Variants in SCML4 observed in about 807,000 individuals in gnomAD.
SCML4 encodes the protein sex comb on midleg-like protein 4.
Under a neutral mutation model 41.1 loss-of-function variants are expected in SCML4, and 34 were observed. The observed-to-expected ratio is 0.83, with a 90% CI of 0.63 to 1.10. The LOEUF (loss-of-function observed/expected upper bound fraction) is 1.10. SCML4 is among the 50% of genes least tolerant of loss of function. The pLI, the probability that SCML4 is intolerant of heterozygous loss-of-function variation, is 0.00. For missense variants in SCML4, 522 were observed against 534.1 expected, an observed-to-expected ratio of 0.98 and a Z score of 0.22; for synonymous variants, 214 against 220.9, an observed-to-expected ratio of 0.97 and a Z score of 0.28.
intron 1 of SCML4, among the ~76,000 whole-genome samples, chr6:107,788,424 T>C (rs1446865405): frequency 6.6e-6 from 1 of 152,242 alleles, no homozygotes; most frequent in Non-Finnish European, 1.5e-5. Flanking sequence ...TGGGTAATTA[T>C]TTTCTTTTGT....
At chr6:107,790,350 G>A (rs940288191) in intron 1 of SCML4, among the ~76,000 whole-genome samples, 1 of 152,132 alleles carries the variant, frequency 6.6e-6, no homozygotes, top group African/African-American at 2.4e-5. Flanking sequence ...AGAAAGAAAG[G>A]GGGAGAGAGA....
intron 2 of SCML4, among the ~76,000 whole-genome samples, chr6:107,762,781 C>T (rs182072465): frequency 3.4e-4 from 52 of 151,586 alleles, no homozygotes; most frequent in African/African-American, 1.2e-3. Context: ...TGATCATGAA[C>T]TTGTGGCTTC....
intron 5 of SCML4, among the ~76,000 whole-genome samples, chr6:107,739,618 T>A (rs1777398098): frequency 6.6e-6 from 1 of 152,158 alleles, no homozygotes. Flanking sequence ...TCGGGAACAA[T>A]GTGGTCCTAT....
chr6:107,798,229 T>A (rs1410811322), intron 1 of SCML4, among the ~76,000 whole-genome samples: 2 of 151,980 alleles, frequency 1.3e-5, no homozygotes, highest in Admixed American at 6.5e-5. Flanking sequence ...TTTGATAGAA[T>A]TCATACAGAA....
intron 5 of SCML4, among the ~76,000 whole-genome samples, chr6:107,744,282 T>C (rs1777857542): frequency 6.6e-6 from 1 of 152,202 alleles, no homozygotes; most frequent in Middle Eastern, 3.2e-3. Context: ...CTGTGTCATG[T>C]ATGCCTGTGT....
At chr6:107,732,376 G>A (rs903073146) in intron 5 of SCML4, 1 of 152,154 alleles carries the variant, frequency 6.6e-6, no homozygotes, top group African/African-American at 2.4e-5. Flanking sequence ...TCTCTCTAAG[G>A]TTGTCTCTGC....
chr6:107,741,129 GCTGGCTTCAGTCCCCACCA>G (rs1777563348), intron 5 of SCML4, among the ~76,000 whole-genome samples: 1 of 152,128 alleles, frequency 6.6e-6, no homozygotes, highest in South Asian at 2.1e-4. Flanking sequence ...ATAGAAGCAA[GCTGGCTTCAGTCCCCACCA>G]CAGAAAATCA....
intron 5 of SCML4, chr6:107,740,213 G>C: frequency 2.1e-6 from 1 of 469,000 alleles, no homozygotes; most frequent in Non-Finnish European, 4.4e-6. Flanking sequence ...TGAGCTGCAA[G>C]ACAACAGACA....
At chr6:107,733,673 C>T (rs1406899715) in intron 5 of SCML4, among the ~76,000 whole-genome samples, 3 of 152,204 alleles carry the variant, frequency 2.0e-5, no homozygotes, top group Non-Finnish European at 4.4e-5. Context: ...TCTAATACAA[C>T]CTGTGCAGGT....
At chr6:107,747,641 A>C (rs1778263847) in intron 3 of SCML4, among the ~76,000 whole-genome samples, 1 of 150,658 alleles carries the variant, frequency 6.6e-6, no homozygotes, top group African/African-American at 2.4e-5. Context: ...ATAAACATAA[A>C]AATGTTAGAA....
chr6:107,785,029 C>T (rs1781780480), intron 1 of SCML4, among the ~76,000 whole-genome samples: 2 of 152,252 alleles, frequency 1.3e-5, no homozygotes, highest in Admixed American at 1.3e-4. Context: ...AGACAAGTCA[C>T]TTCACCATTC....
At chr6:107,781,994 A>T (rs1181228209) in intron 1 of SCML4, among the ~76,000 whole-genome samples, 3 of 152,200 alleles carry the variant, frequency 2.0e-5, no homozygotes, top group African/African-American at 7.2e-5. Context: ...AAAAGCTATC[A>T]CTATTTTCAA....
intron 1 of SCML4, among the ~76,000 whole-genome samples, chr6:107,789,556 A>G (rs1207681531): frequency 6.6e-6 from 1 of 152,172 alleles, no homozygotes; most frequent in Non-Finnish European, 1.5e-5. Context: ...CCTAGGATAC[A>G]TGGGCAGGTC....
At chr6:107,816,556 T>C (rs762238282) in intron 1 of SCML4, among the ~76,000 whole-genome samples, 5 of 152,190 alleles carry the variant, frequency 3.3e-5, no homozygotes, top group Admixed American at 6.5e-5. Flanking sequence ...AGGAAGAAGC[T>C]ACTGGAGAAG....
In SCML4 at chr6:107,713,548, G is replaced by C. The variant is rs184835010; in HGVS notation, c.974-5537C>G. The stretch of plus-strand genomic sequence containing the variant: ...CTCCTGGGCTCTGATCATTCTCTAC[G>C]GACCTCATTGTCTTCATCTATAAAT... On this transcript the variant is annotated intron_variant, in intron 6 of 7. Coordinates refer to ENST00000369020, the MANE Select transcript of SCML4 (RefSeq NM_198081.5). Among the ~76,000 whole-genome samples, 21 of 152,274 alleles carry C rather than the reference G, an allele frequency of 1.4e-4. 1 individual carries two copies. In the Middle Eastern group the frequency reaches 0.01, roughly 74 times the overall value.
chr6:107,762,876 C>CTTTTT (rs57370632), intron 2 of SCML4, among the ~76,000 whole-genome samples: 11 of 89,698 alleles, frequency 1.2e-4, no homozygotes, highest in Non-Finnish European at 1.4e-4. Context: ...TAAATGCACT[C>CTTTTT]TTTTTTTTTT....
At chr6:107,714,585 G>A (rs562424358) in intron 6 of SCML4, among the ~76,000 whole-genome samples, 2 of 152,266 alleles carry the variant, frequency 1.3e-5, no homozygotes, top group East Asian at 3.9e-4. Context: ...CAGGGCCGGT[G>A]TCCATCTTGT....
chr6:107,769,185 G>C (rs906275190), intron 2 of SCML4, among the ~76,000 whole-genome samples: 1 of 152,200 alleles, frequency 6.6e-6, no homozygotes, highest in South Asian at 2.1e-4. Context: ...GGGCAAGAAG[G>C]GGGCAGTAGC....
At chr6:107,754,375 G>A (rs890010168) in intron 2 of SCML4, among the ~76,000 whole-genome samples, 2 of 152,188 alleles carry the variant, frequency 1.3e-5, no homozygotes, top group African/African-American at 4.8e-5. Flanking sequence ...TCTGACTTTG[G>A]TGTGACTTCC....
Sources: gnomAD v4.1 joint callset for allele counts (sites outside exome capture counted in the v4.1 genomes callset) on GRCh38, gnomAD v4.1.1 for gene constraint, MANE v1.5 for transcripts, NCBI Gene and HGNC (gene_info 2026-07-23, HGNC 2026-07-21) for gene names.